The following NFATC3 variants were observed in gnomAD, a reference collection of about 807,000 sequenced individuals.
NFATC3 encodes nuclear factor of activated T cells 3.
Under a neutral mutation model 98.6 loss-of-function variants are expected in NFATC3, and 46 were observed. The observed-to-expected ratio is 0.47, with a 90% CI of 0.37 to 0.60. The LOEUF is 0.60. NFATC3 is among the 20% of genes least tolerant of loss of function. The probability of loss-of-function intolerance (pLI) is 0.00; values close to 1 mark genes in which losing one functional copy is unlikely to be tolerated. For synonymous variants in NFATC3, 512 were observed against 472.2 expected, an observed-to-expected ratio of 1.08 and a Z score of -1.09; for missense variants, 1,256 against 1,295.5, an observed-to-expected ratio of 0.97 and a Z score of 0.47.
At chr16:68,208,212 T>C (rs2041229073) in intron 9 of NFATC3, among the ~76,000 whole-genome samples, 2 of 151,906 alleles carry the variant, frequency 1.3e-5, no homozygotes, top group African/African-American at 4.8e-5. Context: ...ATTTTTTGTA[T>C]TTTTATTAGA....
Position 68,183,247 on chromosome 16 carries a change from T to C in NFATC3, c.1979T>C (p.Ile660Thr). ...IIREKCQGAH[I>T]VLEVPPYHNP... ...CTTGCTTTCCATCCTTAGGCTCACA[T>C]TGTCCTTGAAGTTCCTCCATATCAT... Residue 660 changes from isoleucine to threonine, a missense_variant, in exon 8 of 10, where the codon ATT becomes ACT. By Grantham distance (89) the Ile-to-Thr change is moderately conservative (BLOSUM62 -1). Transcript: ENST00000346183. 1 of 1,585,956 alleles carries C rather than the reference T, an allele frequency of 6.3e-7. No homozygotes were observed.
intron 1 of NFATC3, among the ~76,000 whole-genome samples, chr16:68,120,302 G>A (rs1438035498): frequency 6.7e-6 from 1 of 149,806 alleles, no homozygotes; most frequent in African/African-American, 2.5e-5. Context: ...AAAAGTCCGG[G>A]TGTGGTGGCT....
intron 9 of NFATC3, among the ~76,000 whole-genome samples, chr16:68,216,478 C>T (rs904595904): frequency 6.6e-6 from 1 of 151,836 alleles, no homozygotes; most frequent in African/African-American, 2.4e-5. Context: ...AAAACATTTC[C>T]TAGAGGAAAC....
Position 68,227,877 on chromosome 16 carries a change from C to T in NFATC3, c.*1406C>T, listed in dbSNP as rs766094004. 2.6e-5 allele frequency: 4 copies of T among 151,932 alleles called. No homozygotes were observed. Among genetic ancestry groups the T allele is most frequent in the Non-Finnish European group, 4.4e-5 (3 of 68,018 alleles). The allele number at this position is 151,932 out of a possible 1,614,324, so 9.4% of individuals were successfully genotyped here. ...TGTTCCTGGGCCCATTACAGAGCCTCTGAAGTTTGCAGTATGCTTTCAAAT... is the reference window on the plus strand; with the variant it reads ...TGTTCCTGGGCCCATTACAGAGCCTTTGAAGTTTGCAGTATGCTTTCAAAT... On this transcript the variant is annotated 3_prime_UTR_variant, in exon 10 of 10. Coordinates refer to ENST00000346183, the MANE Select transcript of NFATC3 (RefSeq NM_173165.3).
At chr16:68,123,649 CAAA>C (rs879522913) in intron 2 of NFATC3, among the ~76,000 whole-genome samples, 7 of 142,918 alleles carry the variant, frequency 4.9e-5, no homozygotes, top group Non-Finnish European at 1.1e-4. Flanking sequence ...CTGTTTCTAC[CAAA>C]AAAAAAAAGT....
chr16:68,102,069 C>T (rs1192815168), intron 1 of NFATC3, among the ~76,000 whole-genome samples: 2 of 151,892 alleles, frequency 1.3e-5, no homozygotes, highest in African/African-American at 4.8e-5. Flanking sequence ...ATTTTTGTGA[C>T]CTTATATATT....
intron 3 of NFATC3, among the ~76,000 whole-genome samples, chr16:68,156,866 G>C (rs1434720163): frequency 1.3e-5 from 2 of 152,106 alleles, no homozygotes; most frequent in African/African-American, 2.4e-5. Flanking sequence ...TTGAACCCAG[G>C]AGGCAGAGGT....
At chr16:68,148,910 G>A (rs1395971971) in intron 3 of NFATC3, among the ~76,000 whole-genome samples, 1 of 152,186 alleles carries the variant, frequency 6.6e-6, no homozygotes, top group Non-Finnish European at 1.5e-5. Flanking sequence ...TCAGGAGGCT[G>A]AGGCAGAAGA....
intron 1 of NFATC3, among the ~76,000 whole-genome samples, chr16:68,102,619 GA>G (rs1324062357): frequency 1.3e-5 from 2 of 151,954 alleles, no homozygotes; most frequent in Non-Finnish European, 2.9e-5. Flanking sequence ...TTTGTGTTCT[GA>G]TTTTTTCAGT....
intron 3 of NFATC3, among the ~76,000 whole-genome samples, chr16:68,131,275 TTTTG>T (rs2151518764): frequency 6.6e-6 from 1 of 152,222 alleles, no homozygotes; most frequent in South Asian, 2.1e-4. Context: ...CAACAACTTT[TTTTG>T]TTTGTTTTTG....
chr16:68,157,283 A>G (rs540707624), intron 3 of NFATC3, among the ~76,000 whole-genome samples: 1 of 152,200 alleles, frequency 6.6e-6, no homozygotes, highest in East Asian at 1.9e-4. Context: ...GTTTGCTTAA[A>G]TAGGCATTTA....
chr16:68,122,229 A>T lies in NFATC3; in HGVS notation c.346A>T (p.Ile116Phe). The change falls in exon 2 of 10, where the codon ATC (isoleucine) becomes TTC (phenylalanine). Residue 116 changes from isoleucine to phenylalanine, a missense_variant. Transcript: ENST00000346183. ...GTGCCCAAGTATTCAAATTACATCTATCTCTCCTAACTGTCATCAAGAATT... is the reference window on the plus strand; with the variant it reads ...GTGCCCAAGTATTCAAATTACATCTTTCTCTCCTAACTGTCATCAAGAATT... Reference protein sequence around the residue: ...FECPSIQITSISPNCHQELDA... With the variant: ...FECPSIQITSFSPNCHQELDA... 6 of 1,614,074 alleles carry T rather than the reference A, an allele frequency of 3.7e-6. No individual in the cohort carries two copies. The highest frequency in any genetic ancestry group is 5.1e-6 in the Non-Finnish European group (6 of 1,179,994).
At position 68,115,413 on chromosome 16, in the gene NFATC3, T is replaced by G. The variant is rs7188350; in HGVS notation, c.104-6574T>G. Among the ~76,000 whole-genome samples the G allele has an allele frequency of 6.4e-3, 967 of 152,040 alleles. 13 individuals carry two copies. Among genetic ancestry groups the G allele is most frequent in the African/African-American group, 0.022 (913 of 41,448 alleles). ...TAGCAAATGAGCCATTTTATTTTCTTTGTTTTTTGTTTTTGTTTTTTTTGA... is the reference window on the plus strand; with the variant it reads ...TAGCAAATGAGCCATTTTATTTTCTGTGTTTTTTGTTTTTGTTTTTTTTGA... On this transcript the variant is annotated intron_variant, in intron 1 of 9. Coordinates refer to ENST00000346183, the MANE Select transcript of NFATC3 (RefSeq NM_173165.3).
At chr16:68,205,246 A>G (rs1026834560) in intron 9 of NFATC3, among the ~76,000 whole-genome samples, 1 of 151,978 alleles carries the variant, frequency 6.6e-6, no homozygotes, top group Non-Finnish European at 1.5e-5. Context: ...AAATGTGTTT[A>G]TTTCTTTGGT....
chr16:68,195,936 C>T (rs1012125343), intron 9 of NFATC3, among the ~76,000 whole-genome samples: 1 of 152,150 alleles, frequency 6.6e-6, no homozygotes, highest in Non-Finnish European at 1.5e-5. Context: ...TCACTGCAGC[C>T]TCGATTTCCT....
chr16:68,206,097 A>G (rs149842127), intron 9 of NFATC3, among the ~76,000 whole-genome samples: 48 of 152,258 alleles, frequency 3.2e-4, no homozygotes, highest in African/African-American at 9.9e-4. Flanking sequence ...TCATTGAGGT[A>G]TGAGTTGAAT....
intron 6 of NFATC3, among the ~76,000 whole-genome samples, chr16:68,178,283 T>C (rs555658791): frequency 1.3e-5 from 2 of 152,340 alleles, no homozygotes; most frequent in South Asian, 4.1e-4. Context: ...CTGGGTTTCT[T>C]AACTTGATTA....
At chr16:68,170,111 G>C (rs1244643656) in intron 5 of NFATC3, among the ~76,000 whole-genome samples, 1 of 149,922 alleles carries the variant, frequency 6.7e-6, no homozygotes, top group East Asian at 2.0e-4. Context: ...TGCAAAATGG[G>C]GCTGGGCATG....
chr16:68,208,161 G>T (rs1263467144), intron 9 of NFATC3, among the ~76,000 whole-genome samples: 1 of 152,010 alleles, frequency 6.6e-6, no homozygotes, highest in Non-Finnish European at 1.5e-5. Flanking sequence ...TCAGCCTCCT[G>T]AGTAGCTGGG....
Sources: allele counts gnomAD v4.1 joint callset (sites outside exome capture counted in the v4.1 genomes callset), GRCh38; gene constraint gnomAD v4.1.1; transcripts MANE v1.5; gene names NCBI Gene and HGNC (gene_info 2026-07-23, HGNC 2026-07-21).